Variants in LIMCH1 observed in about 807,000 individuals in gnomAD.
LIMCH1 encodes LIM and calponin homology domains-containing protein 1.
LIMCH1 carries 113 observed loss-of-function variants against 176.5 expected under a neutral mutation model. That is an observed-to-expected ratio of 0.64 (90% CI 0.55 to 0.75). LIMCH1 has a LOEUF of 0.75. Ranked by LOEUF, LIMCH1 falls within the 30% of genes least tolerant of loss-of-function variation. LIMCH1 has a pLI of 0.00. For missense variants in LIMCH1, 1,674 were observed against 1,814.9 expected (o/e 0.92, Z 1.41); for synonymous variants, 619 against 645.9 (o/e 0.96, Z 0.63).
chr4:41,696,068 A>C, intron 31 of LIMCH1, among the ~76,000 whole-genome samples: 1 of 152,320 alleles, frequency 6.6e-6, no homozygotes, highest in South Asian at 2.1e-4. Flanking sequence ...ATAAAACCTG[A>C]ATATATAATC....
intron 1 of LIMCH1, among the ~76,000 whole-genome samples, chr4:41,487,072 G>A (rs2069728004): frequency 6.6e-6 from 1 of 151,798 alleles, no homozygotes; most frequent in Admixed American, 6.6e-5. Flanking sequence ...TGTTGGCCAG[G>A]CTGGTCTTGA....
chr4:41,646,745 C>T lies in LIMCH1; in HGVS notation c.2672C>T (p.Thr891Ile), dbSNP rs776370209. 3.7e-6 allele frequency: 6 copies of T among 1,614,086 alleles called. No homozygotes were observed. Among genetic ancestry groups the T allele is most frequent in the Admixed American group, 1.7e-5 (1 of 60,006 alleles). The change falls in exon 17 of 32, where the codon ACC becomes ATC. Residue 891 changes from threonine (T) to isoleucine (I), a missense_variant. Around this residue, in one of 3 missense-constraint regions of LIMCH1, gnomAD observed 1,015 missense variants for 1,102.5 expected, o/e 0.92. Transcript: ENST00000503057. Reference sequence around the variant, plus strand: ...AAATTCACTGCCACTGTTGAAACCACCATTGCTCGTGCCAGTGTTCTGGAT... The same window carrying T: ...AAATTCACTGCCACTGTTGAAACCATCATTGCTCGTGCCAGTGTTCTGGAT... ...PPKFTATVET[T>I]IARASVLDTS... is the part of the protein sequence containing the mutation.
intron 1 of LIMCH1, among the ~76,000 whole-genome samples, chr4:41,556,165 C>T (rs901575542): frequency 2.6e-5 from 4 of 151,532 alleles, no homozygotes; most frequent in Non-Finnish European, 2.9e-5. Flanking sequence ...GAGGCCGAGG[C>T]GGGTGGATCA....
chr4:41,487,859 A>G (rs1028650192), intron 1 of LIMCH1, among the ~76,000 whole-genome samples: 4 of 150,696 alleles, frequency 2.7e-5, no homozygotes, highest in Admixed American at 2.6e-4. Flanking sequence ...TCACCGTGTT[A>G]GCCAGGATGG....
chr4:41,508,562 T>C (rs1398565449), intron 2 of LIMCH1, among the ~76,000 whole-genome samples: 1 of 152,042 alleles, frequency 6.6e-6, no homozygotes, highest in Non-Finnish European at 1.5e-5. Flanking sequence ...CTATGAGATA[T>C]GGAAGCCTCT....
chr4:41,536,159 C>T (rs1213369960), upstream of LIMCH1, among the ~76,000 whole-genome samples: 1 of 152,120 alleles, frequency 6.6e-6, no homozygotes, highest in African/African-American at 2.4e-5. Context: ...GGAACTAATT[C>T]TTAGCATGTA....
In LIMCH1 at chr4:41,526,716, G is replaced by A. The variant is rs73142602; in HGVS notation, c.237+2238G>A. 7.1e-3 allele frequency among the ~76,000 whole-genome samples: 1,083 copies of A among 152,148 alleles called. 13 individuals carry two copies. The highest frequency in any genetic ancestry group is 0.025 in the African/African-American group (1,031 of 41,486). On this transcript the variant is annotated intron_variant, in intron 3 of 26. Coordinates refer to the LIMCH1 transcript ENST00000313860. Reference sequence around the variant, plus strand: ...TCTGTCTATTGGACAGTTTCATCTCGGTATCCTACTGGCACCTCAAACTTA... The same window carrying A: ...TCTGTCTATTGGACAGTTTCATCTCAGTATCCTACTGGCACCTCAAACTTA...
intron 1 of LIMCH1, among the ~76,000 whole-genome samples, chr4:41,467,151 G>GTA (rs147016551): frequency 0.011 from 661 of 60,782 alleles, 13 homozygotes; most frequent in African/African-American, 0.083. Flanking sequence ...ATATGTGTAT[G>GTA]TATATATACA....
intron 13 of LIMCH1, among the ~76,000 whole-genome samples, chr4:41,638,330 T>C (rs543458697): frequency 6.6e-6 from 1 of 152,338 alleles, no homozygotes; most frequent in East Asian, 1.9e-4. Context: ...AGTCTGGTTT[T>C]GATTAAGGCT....
Position 41,689,585 on chromosome 4 carries a change from G to A in LIMCH1, c.4225G>A (p.Ala1409Thr), listed in dbSNP as rs1380004834. 3 of 1,612,514 alleles carry A rather than the reference G, an allele frequency of 1.9e-6. No homozygotes were observed. Among genetic ancestry groups the A allele is most frequent in the Non-Finnish European group, 2.5e-6 (3 of 1,178,782 alleles). The change falls in exon 30 of 32, where the codon GCA becomes ACA. Residue 1409 changes from alanine (A) to threonine (T), a missense_variant. Physicochemically the swap from Ala to Thr is moderately conservative, Grantham distance 58. Transcript: ENST00000503057. ...TGGGCTTCCTTTGGGTAAAGGAGCT[G>A]CAATGATCATCGAGACCCTCAATCT... ...SCGLPLGKGAAMIIETLNLYF... is the reference protein window; with the variant it reads ...SCGLPLGKGATMIIETLNLYF...
At chr4:41,653,096 A>G (rs1361260511) in intron 18 of LIMCH1, among the ~76,000 whole-genome samples, 1 of 152,136 alleles carries the variant, frequency 6.6e-6, no homozygotes, top group East Asian at 1.9e-4. Flanking sequence ...CTCTGTATAT[A>G]TCTGTCAGAC....
At chr4:41,439,764 C>T (rs1275123358) in intron 1 of LIMCH1, among the ~76,000 whole-genome samples, 5 of 151,900 alleles carry the variant, frequency 3.3e-5, no homozygotes, top group African/African-American at 9.7e-5. Flanking sequence ...ATGAGGCGGG[C>T]ATGGTAATGT....
rs1247752164 is a variant in LIMCH1 at position 41,626,970 on chromosome 4, T to G, written c.988T>G (p.Ser330Ala). The change falls in exon 8 of 32, where the codon TCA becomes GCA. Residue 330 changes from serine (S) to alanine (A), a missense_variant. Ser to Ala is a moderately conservative substitution (Grantham distance 99, BLOSUM62 1). Coordinates refer to ENST00000503057, the MANE Select transcript of LIMCH1 (RefSeq NM_001330672.2). ...GAAATCAGATGGCAGCAAACAGCTC[T>G]CAAAGGGAATCTCAAAAAAAAGAAG... ...AEKSDGSKQLSKGISKKRSLE... is the reference protein window; with the variant it reads ...AEKSDGSKQLAKGISKKRSLE... The G allele has an allele frequency of 6.5e-7, 1 of 1,535,244 alleles. No individual in the cohort carries two copies. The highest frequency in any genetic ancestry group is 2.0e-5 in the Admixed American group (1 of 50,856).
intron 23 of LIMCH1, among the ~76,000 whole-genome samples, chr4:41,676,684 T>A (rs2095229567): frequency 6.6e-6 from 1 of 152,148 alleles, no homozygotes; most frequent in Admixed American, 6.5e-5. Flanking sequence ...ACCATTCATA[T>A]TAACACTGAA....
At chr4:41,627,051 TG>T in intron 8 of LIMCH1, 41 bp downstream of exon 8, 1 of 1,505,986 alleles carries the variant, frequency 6.6e-7, no homozygotes, top group African/African-American at 1.4e-5. Flanking sequence ...TGTGTGTGTG[TG>T]TCTATGAAAG....
At chr4:41,489,986 T>C (rs546336030) in intron 1 of LIMCH1, among the ~76,000 whole-genome samples, 1 of 152,262 alleles carries the variant, frequency 6.6e-6, no homozygotes, top group South Asian at 2.1e-4. Flanking sequence ...TTAAAAATCA[T>C]AAGGGACAGA....
chr4:41,499,142 G>A (rs1355612558), intron 2 of LIMCH1, among the ~76,000 whole-genome samples: 1 of 152,084 alleles, frequency 6.6e-6, no homozygotes, highest in Non-Finnish European at 1.5e-5. Flanking sequence ...TTTTACAAAA[G>A]GTTTTCCCAG....
At chr4:41,407,841 C>G (rs2059126362) in intron 1 of LIMCH1, among the ~76,000 whole-genome samples, 1 of 152,046 alleles carries the variant, frequency 6.6e-6, no homozygotes. Flanking sequence ...TTCCCAGGTT[C>G]TTGTGATTTA....
rs760378257 is a variant in LIMCH1, at chr4:41,698,884, G to A, written c.*1699G>A. The A allele has an allele frequency of 4.6e-5, 7 of 152,594 alleles. No homozygotes were observed. The highest frequency in any genetic ancestry group is 7.2e-5 in the African/African-American group (3 of 41,506). The allele number at this position is 152,594 out of a possible 1,614,324, so 9.5% of individuals were successfully genotyped here. A position where few individuals can be genotyped will look rare whatever the true frequency, so the allele number is the denominator to read the frequency against. On this transcript the variant is annotated 3_prime_UTR_variant, in exon 32 of 32. Transcript: ENST00000503057. Reference sequence around the variant, plus strand: ...AAAACGCAAAGCTGTTGCACATGGCGATAAATTATGGATGCAGTACATTGA... The same window carrying A: ...AAAACGCAAAGCTGTTGCACATGGCAATAAATTATGGATGCAGTACATTGA...
Sources: gnomAD v4.1 joint callset for allele counts (sites outside exome capture counted in the v4.1 genomes callset) on GRCh38, gnomAD v4.1.1 for gene constraint, gnomAD v4.1.1 regional missense constraint, MANE v1.5 for transcripts, NCBI Gene and HGNC (gene_info 2026-07-23, HGNC 2026-07-21) for gene names.